The following TRAF7 variants were observed in gnomAD, a reference collection of about 807,000 sequenced individuals.
The protein encoded by TRAF7 is E3 ubiquitin-protein ligase TRAF7.
Under a neutral mutation model 89.3 loss-of-function variants are expected in TRAF7, and 45 were observed. The ratio of observed to expected loss-of-function variants is 0.50; its 90% CI spans 0.40 to 0.65. The LOEUF (loss-of-function observed/expected upper bound fraction) is 0.65. Ranked by LOEUF, TRAF7 falls within the 30% of genes least tolerant of loss-of-function variation. TRAF7 has a pLI of 0.00. For missense variants in TRAF7, 677 were observed against 918.1 expected (o/e 0.74, Z 3.39); for synonymous variants, 406 against 369.2 (o/e 1.10, Z -1.14).
At chr16:2,170,464 C>T (rs748474507) in intron 4 of TRAF7, 150 bp from the exon 5 acceptor site, 22 of 627,250 alleles carry the variant, frequency 3.5e-5, no homozygotes, top group Non-Finnish European at 4.5e-5. Flanking sequence ...CGCCCACCCA[C>T]GGCCCCCGTG....
In TRAF7 at chr16:2,173,535, G is replaced by A. The variant is rs774790210; in HGVS notation, c.1067G>A (p.Arg356Gln). The stretch of plus-strand genomic sequence containing the variant: ...AGCGAGGACCTCATGGAGTTCCGGC[G>A]GGACGCATCCATGTTAAATGTGAGC... ...KLSEDLMEFR[R>Q]DASMLNDELS... Residue 356 changes from arginine to glutamine, a missense_variant, in exon 11 of 21, where the codon CGG becomes CAG. By Grantham distance (43) the Arg-to-Gln change is conservative. Coordinates refer to ENST00000326181, the MANE Select transcript of TRAF7 (RefSeq NM_032271.3). The A allele has an allele frequency of 5.0e-6, 8 of 1,613,320 alleles. No individual in the cohort carries two copies. The highest frequency in any genetic ancestry group is 4.4e-5 in the South Asian group (4 of 91,074).
At chr16:2,164,386 T>C (rs367870643) in intron 2 of TRAF7, among the ~76,000 whole-genome samples, 868 of 71,860 alleles carry the variant, frequency 0.012, 1 homozygote, top group African/African-American at 0.019. Flanking sequence ...TGCTGCGTGG[T>C]GCGGCCTGGT....
intron 1 of TRAF7, among the ~76,000 whole-genome samples, chr16:2,157,129 G>A (rs974218916): frequency 4.0e-5 from 6 of 151,470 alleles, no homozygotes; most frequent in East Asian, 1.9e-4. Flanking sequence ...CCTAGCCCTC[G>A]CCAAGTGAGG....
Position 2,161,372 on chromosome 16 carries a change from A to C in TRAF7, c.-38-2511A>C, listed in dbSNP as rs58644725. 6.6e-6 allele frequency among the ~76,000 whole-genome samples: 1 copy of C among 151,878 alleles called. No homozygotes were observed. Among genetic ancestry groups the C allele is most frequent in the African/African-American group, 2.4e-5 (1 of 41,328 alleles). Reference sequence around the variant, plus strand: ...AGCTGGGACTTTCTGGCTGATTTGCACATTGCCCTGCGTGCCTTTCTGTTC... The same window carrying C: ...AGCTGGGACTTTCTGGCTGATTTGCCCATTGCCCTGCGTGCCTTTCTGTTC... On this transcript the variant is annotated intron_variant, in intron 1 of 20. Transcript: ENST00000326181. This position sits in a 1 kb window ranked among gnomAD's most constrained non-coding sequence, Gnocchi z 5.2.
Position 2,165,916 on chromosome 16 carries a change from C to G in TRAF7, c.119C>G (p.Ala40Gly). 2 of 1,614,120 alleles carry G rather than the reference C, an allele frequency of 1.2e-6. No individual in the cohort carries two copies. Among genetic ancestry groups the G allele is most frequent in the Non-Finnish European group, 1.7e-6 (2 of 1,179,974 alleles). Residue 40 changes from alanine to glycine, a missense_variant, in exon 3 of 21, where the codon GCC (alanine) becomes GGC (glycine). Physicochemically the swap from Ala to Gly is moderately conservative, Grantham distance 60. Around this residue, in one of 6 missense-constraint regions of TRAF7, gnomAD observed 240 missense variants for 191.9 expected, o/e 1.25. Coordinates refer to ENST00000326181, the MANE Select transcript of TRAF7 (RefSeq NM_032271.3). Reference protein sequence around the residue: ...METTFGPAFSAVTTITKADGT... With the variant: ...METTFGPAFSGVTTITKADGT... The stretch of plus-strand genomic sequence containing the variant: ...ACGACCTTCGGACCCGCCTTTTCAG[C>G]CGTCACCACCATCACAAAAGGTGAG...
intron 2 of TRAF7, among the ~76,000 whole-genome samples, chr16:2,165,148 G>A (rs73498161): frequency 0.043 from 4,959 of 116,600 alleles, 291 homozygotes; most frequent in African/African-American, 0.13. Flanking sequence ...ATGCTGAAGC[G>A]TGTGAGTGCT....
At position 2,175,509 on chromosome 16, in the gene TRAF7, A is replaced by G; in HGVS notation, c.1513A>G (p.Ile505Val). 1 of 1,613,376 alleles carries G rather than the reference A, an allele frequency of 6.2e-7. No individual in the cohort carries two copies. The highest frequency in any genetic ancestry group is 8.5e-7 in the Non-Finnish European group (1 of 1,179,968). The stretch of plus-strand genomic sequence containing the variant: ...GCAGCAATCCCTGCAGGTCTGGGAC[A>G]TCGTGGGCACTGAGCTGAAGTTGAA... Reference protein sequence around the residue: ...GSLKAIKVWDIVGTELKLKKE... With the variant: ...GSLKAIKVWDVVGTELKLKKE... Residue 505 changes from isoleucine to valine, a missense_variant, in exon 17 of 21, where the codon ATC (isoleucine) becomes GTC (valine). By Grantham distance (29) the Ile-to-Val change is conservative. Coordinates refer to ENST00000326181, the MANE Select transcript of TRAF7 (RefSeq NM_032271.3).
In TRAF7 at chr16:2,162,971, C is replaced by T. The variant is rs542393238; in HGVS notation, c.-38-912C>T. ...CCTGCTGACAGAGCCTGGTGCCTCA[C>T]GGGGGGAGAGTGGGCGTCATCCAGC... On this transcript the variant is annotated intron_variant, in intron 1 of 20. Transcript: ENST00000326181. The surrounding 1 kb of genome is among the most constrained non-coding windows in gnomAD (Gnocchi z 5.0). Among the ~76,000 whole-genome samples, 31 of 151,258 alleles carry T rather than the reference C, an allele frequency of 2.0e-4. No homozygotes were observed. Among genetic ancestry groups the T allele is most frequent in the Admixed American group, 7.8e-4 (12 of 15,304 alleles).
chr16:2,157,831 C>T (rs1596664901), intron 1 of TRAF7, among the ~76,000 whole-genome samples: 2 of 152,186 alleles, frequency 1.3e-5, no homozygotes, highest in East Asian at 3.9e-4. Flanking sequence ...ACTCTGGTCA[C>T]AGCGGCACAG....
At chr16:2,166,150 G>A (rs539956759) in intron 3 of TRAF7, among the ~76,000 whole-genome samples, 38 of 152,292 alleles carry the variant, frequency 2.5e-4, no homozygotes, top group Middle Eastern at 3.4e-3. Flanking sequence ...CTTGTGCCTC[G>A]GTGACTGTGC....
chr16:2,163,941 C>G lies in TRAF7; in HGVS notation c.21C>G (p.Ala7=). MSSGKS[A]RYNRFSGGPS... ...AGAGCATGAGCTCAGGCAAGAGTGC[C>G]CGCTACAACCGCTTCTCCGGGGGGC... Residue 7 remains alanine (A), a synonymous_variant, in exon 2 of 21, where the codon GCC becomes GCG. Coordinates refer to ENST00000326181, the MANE Select transcript of TRAF7 (RefSeq NM_032271.3). This position sits in a 1 kb window ranked among gnomAD's most constrained non-coding sequence, Gnocchi z 4.3. 6.2e-7 allele frequency: 1 copy of G among 1,612,788 alleles called. No individual in the cohort carries two copies. Among genetic ancestry groups the G allele is most frequent in the South Asian group, 1.1e-5 (1 of 90,972 alleles).
intron 1 of TRAF7, among the ~76,000 whole-genome samples, chr16:2,156,792 G>A (rs563277986): frequency 4.5e-4 from 68 of 152,280 alleles, no homozygotes; most frequent in Middle Eastern, 3.4e-3. Flanking sequence ...CGCTGGAGAG[G>A]CGGTCCGATC....
Position 2,175,301 on chromosome 16 carries a change from G to A in TRAF7, c.1387G>A (p.Val463Met), listed in dbSNP as rs2093130890. The A allele has an allele frequency of 6.2e-7, 1 of 1,613,316 alleles. No individual in the cohort carries two copies. Among genetic ancestry groups the A allele is most frequent in the Non-Finnish European group, 8.5e-7 (1 of 1,179,954 alleles). Residue 463 changes from valine to methionine, a missense_variant and splice_region_variant, in exon 16 of 21, where the codon GTG becomes ATG. Transcript: ENST00000326181. ...AGGCTGCCGGTCCTTCCCCAATCAG[G>A]TGTGGGACATCCAGAACCTGCAGAA... ...YSGSADCTII[V>M]WDIQNLQKVN...
intron 15 of TRAF7, 26 bp from the exon 16 acceptor site, chr16:2,175,275 G>A: frequency 6.2e-7 from 1 of 1,612,796 alleles, no homozygotes; most frequent in Middle Eastern, 1.7e-4. Context: ...TTGGTGCCCT[G>A]AGGCTGCCGG....
At position 2,177,086 on chromosome 16, in the gene TRAF7, C is replaced by T. The variant is rs984579527; in HGVS notation, c.*512C>T. 108 of 279,418 alleles carry T rather than the reference C, an allele frequency of 3.9e-4. No individual in the cohort carries two copies. Among genetic ancestry groups the T allele is most frequent in the Admixed American group, 7.0e-4 (15 of 21,526 alleles). 17.3% of individuals were successfully genotyped at this position (279,418 alleles called of 1,614,324 possible). On this transcript the variant is annotated 3_prime_UTR_variant, in exon 21 of 21. Coordinates refer to ENST00000326181, the MANE Select transcript of TRAF7 (RefSeq NM_032271.3). ...ACTTCGGCCCACTCCGGGGCCTCCC[C>T]TCCCTGCTAGGAGGCAACTCGTCAC...
chr16:2,160,549 A>ATGGGCGGGCGGTGTGGG (rs1485351773), intron 1 of TRAF7, among the ~76,000 whole-genome samples: 4 of 10,828 alleles, frequency 3.7e-4, no homozygotes, highest in East Asian at 4.2e-3. Context: ...GGCGGTGTGG[A>ATGGGCGGGCGGTGTGGG]TGGGCGGGCG....
At position 2,172,516 on chromosome 16, in the gene TRAF7, C is replaced by A. The variant is rs2093116668; in HGVS notation, c.711C>A (p.Pro237=). Residue 237 remains proline (P), a synonymous_variant, in exon 9 of 21, where the codon CCC becomes CCA. Coordinates refer to ENST00000326181, the MANE Select transcript of TRAF7 (RefSeq NM_032271.3). ...GGCCTGTGCGGTGTCCCAACAACCC[C>A]AGCTGCCCCCCGCTGCTCAGGATGA... The part of the protein sequence containing the change: ...DYRPVRCPNN[P]SCPPLLRMNL... The A allele has an allele frequency of 1.2e-6, 2 of 1,600,450 alleles. No individual in the cohort carries two copies. Among genetic ancestry groups the A allele is most frequent in the Non-Finnish European group, 8.5e-7 (1 of 1,174,524 alleles).
In TRAF7 at chr16:2,159,172, C is replaced by T. The variant is rs957010041; in HGVS notation, c.-39+3314C>T. On this transcript the variant is annotated intron_variant, in intron 1 of 20. Transcript: ENST00000326181. This position sits in a 1 kb window ranked among gnomAD's most constrained non-coding sequence, Gnocchi z 6.5. ...GAGGGAGATACGGACGCTGGAGAGG[C>T]TTGGCCAGGGCAAGACAGGCCTGGA... Among the ~76,000 whole-genome samples, 1 of 152,216 alleles carries T rather than the reference C, an allele frequency of 6.6e-6. No individual in the cohort carries two copies. The highest frequency in any genetic ancestry group is 1.5e-5 in the Non-Finnish European group (1 of 68,036).
chr16:2,176,584 G>A lies in TRAF7; in HGVS notation c.*10G>A. ...GGTTTGGACTTGCTAACAGGATCCA[G>A]GCCAGGCTGTGGTTTCCCCTGAACC... On this transcript the variant is annotated 3_prime_UTR_variant, in exon 21 of 21. Transcript: ENST00000326181. The A allele has an allele frequency of 6.2e-7, 1 of 1,613,492 alleles. No homozygotes were observed. Among genetic ancestry groups the A allele is most frequent in the Non-Finnish European group, 8.5e-7 (1 of 1,180,018 alleles).
Sources: gnomAD v4.1 joint callset for allele counts (sites outside exome capture counted in the v4.1 genomes callset) on GRCh38, gnomAD v4.1.1 for gene constraint, gnomAD v4.1.1 regional missense constraint, Gnocchi (gnomAD v3.1) non-coding constraint, MANE v1.5 for transcripts, NCBI Gene and HGNC (gene_info 2026-07-23, HGNC 2026-07-21) for gene names.